TMEM135: variants seen among roughly 807,000 people sequenced by gnomAD.
TMEM135 encodes peroxisomal membrane protein 52.
TMEM135 carries 30 observed loss-of-function variants against 60.3 expected under a neutral mutation model. The observed-to-expected ratio is 0.50, with a 90% CI of 0.37 to 0.68. The LOEUF is 0.68. TMEM135 is among the 30% of genes least tolerant of loss of function. The probability of loss-of-function intolerance (pLI) is 0.00; values close to 1 mark genes in which losing one functional copy is unlikely to be tolerated. For synonymous variants in TMEM135, 190 were observed against 186.7 expected (o/e 1.02, Z -0.14); for missense variants, 468 against 548.8 (o/e 0.85, Z 1.47).
intron 4 of TMEM135, among the ~76,000 whole-genome samples, chr11:87,110,075 A>G (rs1857703888): frequency 6.6e-6 from 1 of 152,130 alleles, no homozygotes; most frequent in Admixed American, 6.5e-5. Flanking sequence ...TGAAATGTCC[A>G]TCCCTAAAGC....
At chr11:87,262,507 C>A (rs1044432187) in intron 6 of TMEM135, among the ~76,000 whole-genome samples, 1 of 152,142 alleles carries the variant, frequency 6.6e-6, no homozygotes, top group Non-Finnish European at 1.5e-5. Context: ...TTAGCCATTT[C>A]GATTTCCTAC....
At chr11:87,301,026 C>T (rs916254655) in intron 7 of TMEM135, among the ~76,000 whole-genome samples, 1 of 152,194 alleles carries the variant, frequency 6.6e-6, no homozygotes, top group African/African-American at 2.4e-5. Flanking sequence ...CTTAAACTCT[C>T]TATGTACACC....
chr11:87,088,184 G>A (rs1857136602), intron 3 of TMEM135, among the ~76,000 whole-genome samples: 1 of 152,142 alleles, frequency 6.6e-6, no homozygotes, highest in Admixed American at 6.5e-5. Flanking sequence ...CTCACCACAA[G>A]TTAGGAACCC....
intron 7 of TMEM135, among the ~76,000 whole-genome samples, chr11:87,301,408 C>T (rs1942447333): frequency 6.6e-6 from 1 of 152,070 alleles, no homozygotes; most frequent in African/African-American, 2.4e-5. Flanking sequence ...CGTACACCAC[C>T]ATGCCCAGCT....
Position 87,188,610 on chromosome 11 carries a change from A to G in TMEM135, c.462+31204A>G, listed in dbSNP as rs185947823. ...TCCCAGATACTCAGGAGGCTGAGGC[A>G]GGAGAATCGCTAGAAGCCAGTAGGT... On this transcript the variant is annotated intron_variant, in intron 5 of 14. Transcript: ENST00000305494. 1.3e-3 allele frequency among the ~76,000 whole-genome samples: 201 copies of G among 152,108 alleles called. 1 individual carries two copies. Among genetic ancestry groups the G allele is most frequent in the Non-Finnish European group, 2.5e-3 (169 of 68,000 alleles).
chr11:87,105,554 C>T (rs1209581190), intron 4 of TMEM135, among the ~76,000 whole-genome samples: 1 of 152,128 alleles, frequency 6.6e-6, no homozygotes, highest in Non-Finnish European at 1.5e-5. Context: ...GTTGAACCAT[C>T]CTCGCCTCCC....
At chr11:87,153,988 A>G (rs564029671) in intron 4 of TMEM135, among the ~76,000 whole-genome samples, 1 of 152,324 alleles carries the variant, frequency 6.6e-6, no homozygotes, top group South Asian at 2.1e-4. Context: ...AATATATACA[A>G]TGTTAAGTTT....
At chr11:87,056,991 T>C (rs952193794) in intron 1 of TMEM135, among the ~76,000 whole-genome samples, 1 of 152,178 alleles carries the variant, frequency 6.6e-6, no homozygotes, top group Non-Finnish European at 1.5e-5. Context: ...AAGAGTGTTT[T>C]GGTTTAAAGT....
intron 5 of TMEM135, among the ~76,000 whole-genome samples, chr11:87,163,688 C>T (rs1323336567): frequency 1.3e-5 from 2 of 150,530 alleles, no homozygotes; most frequent in African/African-American, 2.4e-5. Flanking sequence ...TCCACATCCT[C>T]TCCAGCACCT....
At chr11:87,313,512 G>A in intron 11 of TMEM135, 24 bp downstream of exon 11, 3 of 1,554,228 alleles carry the variant, frequency 1.9e-6, no homozygotes, top group Non-Finnish European at 2.7e-6. Context: ...AAAAATGAAT[G>A]GTTATTATTG....
chr11:87,309,570 T>A lies in TMEM135; in HGVS notation c.834T>A (p.Phe278Leu). ...IQCCLRIPSA[F>L]RHLFTQPSRL... ...GCTGCCTCCGAATCCCTTCTGCATT[T>A]AGGCATCTGTTTACACAGCCATCTC... is the stretch of plus-strand genomic sequence containing the variant. The change falls in exon 10 of 15, where the codon TTT becomes TTA. Residue 278 changes from phenylalanine to leucine, a missense_variant. By Grantham distance (22) the Phe-to-Leu change is conservative (BLOSUM62 0). Coordinates refer to ENST00000305494, the MANE Select transcript of TMEM135 (RefSeq NM_022918.4). 6.2e-7 allele frequency: 1 copy of A among 1,613,956 alleles called. No individual in the cohort carries two copies. The highest frequency in any genetic ancestry group is 8.5e-7 in the Non-Finnish European group (1 of 1,179,850).
At chr11:87,226,512 G>A (rs1940767132) in intron 5 of TMEM135, among the ~76,000 whole-genome samples, 1 of 152,048 alleles carries the variant, frequency 6.6e-6, no homozygotes, top group African/African-American at 2.4e-5. Context: ...GTTGTAATAA[G>A]GACTCTAACT....
chr11:87,177,041 T>C lies in TMEM135; in HGVS notation c.462+19635T>C, dbSNP rs190437167. Among the ~76,000 whole-genome samples, 8 of 152,264 alleles carry C rather than the reference T, an allele frequency of 5.3e-5. No homozygotes were observed. In the East Asian group the frequency reaches 1.5e-3, roughly 29 times the overall value. ...TTTTGATATAATTTTCAGTAATGGA[T>C]TGTAAAATCATCAAGTGAAAGAACA... On this transcript the variant is annotated intron_variant, in intron 5 of 14. Coordinates refer to ENST00000305494, the MANE Select transcript of TMEM135 (RefSeq NM_022918.4).
chr11:87,101,257 C>T (rs11234965), intron 4 of TMEM135, among the ~76,000 whole-genome samples: 12,354 of 152,166 alleles, frequency 0.081, 568 homozygotes, highest in East Asian at 0.17. Context: ...TAAGAGAACA[C>T]TTGCTGTTAG....
intron 9 of TMEM135, among the ~76,000 whole-genome samples, chr11:87,308,405 G>C (rs532144056): frequency 6.6e-6 from 1 of 152,178 alleles, no homozygotes; most frequent in Admixed American, 6.5e-5. Flanking sequence ...GCAAATGCTT[G>C]AGAATTCACA....
intron 5 of TMEM135, among the ~76,000 whole-genome samples, chr11:87,222,876 T>C (rs1194440805): frequency 6.6e-6 from 1 of 152,156 alleles, no homozygotes; most frequent in African/African-American, 2.4e-5. Flanking sequence ...ATCTATAAAC[T>C]GTTAAAATAC....
At chr11:87,315,163 C>T (rs1245559317) in intron 12 of TMEM135, among the ~76,000 whole-genome samples, 1 of 151,702 alleles carries the variant, frequency 6.6e-6, no homozygotes, top group Non-Finnish European at 1.5e-5. Flanking sequence ...TCCTCCTCCT[C>T]CTCCTCTTCC....
At chr11:87,118,487 T>TG (rs1163576492) in intron 4 of TMEM135, among the ~76,000 whole-genome samples, 1 of 151,898 alleles carries the variant, frequency 6.6e-6, no homozygotes, top group Non-Finnish European at 1.5e-5. Context: ...GTCACACTGT[T>TG]GCCCGGGCTG....
chr11:87,151,599 CT>C (rs34430171), intron 4 of TMEM135, among the ~76,000 whole-genome samples: 81,238 of 151,752 alleles, frequency 0.54, 22,743 homozygotes, highest in East Asian at 0.73. Flanking sequence ...ATTTGTGGGT[CT>C]TTTACCTATT....
Sources: allele counts gnomAD v4.1 joint callset (sites outside exome capture counted in the v4.1 genomes callset), GRCh38; gene constraint gnomAD v4.1.1; transcripts MANE v1.5; gene names NCBI Gene and HGNC (gene_info 2026-07-23, HGNC 2026-07-21).